Variants in C12orf50 observed in about 807,000 individuals in gnomAD.
C12orf50 encodes the protein zinc finger CCCH-type containing 11D.
Under a neutral mutation model 61.6 loss-of-function variants are expected in C12orf50, and 35 were observed. The observed-to-expected ratio is 0.57, with a 90% CI of 0.43 to 0.75. The LOEUF is 0.75. Ranked by LOEUF, C12orf50 falls within the 30% of genes least tolerant of loss-of-function variation. C12orf50 has a pLI of 0.00. For synonymous variants in C12orf50, 178 were observed against 161.5 expected (o/e 1.10, Z -0.77); for missense variants, 475 against 488.5 (o/e 0.97, Z 0.26).
chr12:88,010,366 T>A (rs544835628), intron 3 of C12orf50, among the ~76,000 whole-genome samples: 1 of 150,000 alleles, frequency 6.7e-6, no homozygotes, highest in East Asian at 1.9e-4. Context: ...TTGTATTTTT[T>A]AAATAGATTA....
At chr12:87,992,512 G>T (rs1761742871) in intron 7 of C12orf50, among the ~76,000 whole-genome samples, 1 of 151,976 alleles carries the variant, frequency 6.6e-6, no homozygotes. Context: ...TATATATGTG[G>T]TATATATCTA....
intron 11 of C12orf50, chr12:87,984,936 C>T (rs1226616149): frequency 6.6e-6 from 1 of 151,922 alleles, no homozygotes; most frequent in African/African-American, 2.4e-5. Flanking sequence ...GCACGTTTCA[C>T]CTAAGAATAT....
At chr12:88,014,723 A>G (rs2032246748) in intron 3 of C12orf50, among the ~76,000 whole-genome samples, 1 of 152,208 alleles carries the variant, frequency 6.6e-6, no homozygotes. Flanking sequence ...TAAAATCGGG[A>G]GATTAACTGT....
rs760333465 is a variant in C12orf50, at chr12:88,026,976, CA to C, written c.-15del. 2 of 1,613,784 alleles carry C rather than the reference CA, an allele frequency of 1.2e-6. No homozygotes were observed. Among genetic ancestry groups the C allele is most frequent in the Non-Finnish European group, 1.7e-6 (2 of 1,179,916 alleles). ...CTGCATTTCCATGTGTCTAAATCTG[CA>C]AAGTGGATCTAAACATTTCCTCTCT... On this transcript the variant is annotated 5_prime_UTR_variant, in exon 2 of 13. The change abolishes the stop of an existing upstream ORF in the 5' untranslated region. Coordinates refer to ENST00000298699, the MANE Select transcript of C12orf50 (RefSeq NM_152589.3).
chr12:87,980,484 T>C, intron 12 of C12orf50, 128 bp from the exon 13 acceptor site: 1 of 810,596 alleles, frequency 1.2e-6, no homozygotes. Context: ...TGTTTTAACT[T>C]ATAAATTTTC....
intron 3 of C12orf50, among the ~76,000 whole-genome samples, chr12:88,001,471 C>A (rs2031651425): frequency 6.7e-6 from 1 of 149,724 alleles, no homozygotes; most frequent in African/African-American, 2.4e-5. Flanking sequence ...GTTTGGTCTG[C>A]AGTTTTCGTC....
intron 6 of C12orf50, 120 bp downstream of exon 6, chr12:87,996,254 T>C: frequency 1.4e-6 from 1 of 720,154 alleles, no homozygotes; most frequent in East Asian, 2.7e-5. Flanking sequence ...TTTCTTCTAG[T>C]GCTCAATTAC....
intron 7 of C12orf50, among the ~76,000 whole-genome samples, chr12:87,991,705 C>T (rs1209280945): frequency 1.3e-5 from 2 of 152,118 alleles, no homozygotes; most frequent in Admixed American, 6.6e-5. Context: ...CCACTAGCCA[C>T]TCACCAGAAA....
chr12:88,017,837 C>T (rs1219696184), intron 3 of C12orf50, among the ~76,000 whole-genome samples: 1 of 152,094 alleles, frequency 6.6e-6, no homozygotes, highest in Non-Finnish European at 1.5e-5. Context: ...ATTTGTGGAA[C>T]TTTGAATTTA....
rs1592655264 is a variant in C12orf50, at chr12:87,994,494, T to G, written c.592+139A>C. ...AGAGATTTTGGTCTCTGAAAGCAACTGATTTTGTGATATACCTCCAAACTC... is the reference window on the plus strand; with the variant it reads ...AGAGATTTTGGTCTCTGAAAGCAACGGATTTTGTGATATACCTCCAAACTC... On this transcript the variant is annotated intron_variant, in intron 7 of 12. Coordinates refer to ENST00000298699, the MANE Select transcript of C12orf50 (RefSeq NM_152589.3). 1.4e-4 allele frequency: 91 copies of G among 643,552 alleles called. 1 individual carries two copies. In the East Asian group the frequency reaches 2.5e-3, roughly 18 times the overall value. The allele number at this position is 643,552 out of a possible 1,614,324, so 39.9% of individuals were successfully genotyped here. A position where few individuals can be genotyped will look rare whatever the true frequency, so the allele number is the denominator to read the frequency against.
intron 3 of C12orf50, among the ~76,000 whole-genome samples, chr12:88,016,687 A>G (rs1360144272): frequency 6.6e-6 from 1 of 152,202 alleles, no homozygotes; most frequent in East Asian, 1.9e-4. Context: ...ACTGGCCACT[A>G]TGTGAGAGCC....
At chr12:87,986,534 C>A in intron 9 of C12orf50, 118 bp from the exon 10 acceptor site, 1 of 646,438 alleles carries the variant, frequency 1.5e-6, no homozygotes, top group South Asian at 2.4e-5. Context: ...AAAATAAATG[C>A]ACCATCCTAA....
chr12:87,994,064 G>A (rs1354725017), intron 7 of C12orf50, among the ~76,000 whole-genome samples: 5 of 152,002 alleles, frequency 3.3e-5, no homozygotes, highest in African/African-American at 1.2e-4. Context: ...GCCGGGTGTG[G>A]TGGCACGCAC....
At chr12:88,026,831 G>A in intron 2 of C12orf50, 120 bp downstream of exon 2, 1 of 1,456,276 alleles carries the variant, frequency 6.9e-7, no homozygotes, top group Non-Finnish European at 9.2e-7. Context: ...ATTGCAAAAT[G>A]CCTAAAATCA....
Position 87,980,328 on chromosome 12 carries a change from G to T in C12orf50, c.*3C>A. On this transcript the variant is annotated 3_prime_UTR_variant, in exon 13 of 13. Coordinates refer to ENST00000298699, the MANE Select transcript of C12orf50 (RefSeq NM_152589.3). ...TCATTTTTCTCTCTCTCAACCTCCAGGTTTACTTGCTCCCATTTCTTCTTG... is the reference window on the plus strand; with the variant it reads ...TCATTTTTCTCTCTCTCAACCTCCATGTTTACTTGCTCCCATTTCTTCTTG... 3 of 1,608,828 alleles carry T rather than the reference G, an allele frequency of 1.9e-6. No individual in the cohort carries two copies. Among genetic ancestry groups the T allele is most frequent in the Non-Finnish European group, 2.5e-6 (3 of 1,176,924 alleles).
At chr12:87,997,929 A>C in intron 4 of C12orf50, 106 bp downstream of exon 4, 1 of 776,030 alleles carries the variant, frequency 1.3e-6, no homozygotes, top group Non-Finnish European at 1.9e-6. Flanking sequence ...TTTCTCAGCA[A>C]AATCTGCCTT....
At chr12:88,016,931 A>G (rs1040124871) in intron 3 of C12orf50, among the ~76,000 whole-genome samples, 2 of 152,242 alleles carry the variant, frequency 1.3e-5, no homozygotes, top group African/African-American at 4.8e-5. Context: ...CTACATTTCA[A>G]ATACAGTGTT....
chr12:88,025,609 C>T (rs140289551), intron 3 of C12orf50, among the ~76,000 whole-genome samples: 2,809 of 152,096 alleles, frequency 0.018, 78 homozygotes, highest in African/African-American at 0.064. Context: ...TGTGGCGGTG[C>T]GTGCCTGTAG....
chr12:88,012,930 G>A (rs936378613), intron 3 of C12orf50, among the ~76,000 whole-genome samples: 8 of 152,030 alleles, frequency 5.3e-5, no homozygotes, highest in South Asian at 2.1e-4. Context: ...CGGGCATGGC[G>A]TCATGAGCCT....
Sources: gnomAD v4.1 joint callset for allele counts (sites outside exome capture counted in the v4.1 genomes callset) on GRCh38, gnomAD v4.1.1 for gene constraint, MANE v1.5 for transcripts, NCBI Gene and HGNC (gene_info 2026-07-23, HGNC 2026-07-21) for gene names.